The following NEURL4 variants were observed in gnomAD, a reference collection of about 807,000 sequenced individuals.
NEURL4 encodes neuralized E3 ubiquitin protein ligase 4, also known as neuralized-like protein 4.
Under a neutral mutation model 148.0 loss-of-function variants are expected in NEURL4, and 45 were observed. The observed-to-expected ratio is 0.30, with a 90% CI of 0.24 to 0.39. The LOEUF (loss-of-function observed/expected upper bound fraction) is 0.39. NEURL4 is among the 10% of genes least tolerant of loss of function. The pLI is 1.00. For synonymous variants in NEURL4, 854 were observed against 869.0 expected (o/e 0.98, Z 0.30); for missense variants, 1,776 against 2,144.0 (o/e 0.83, Z 3.39).
Position 7,317,944 on chromosome 17 carries a change from T to G in NEURL4, c.4061-12A>C. The G allele has an allele frequency of 6.2e-7, 1 of 1,614,118 alleles. No individual in the cohort carries two copies. Among genetic ancestry groups the G allele is most frequent in the Non-Finnish European group, 8.5e-7 (1 of 1,179,998 alleles). On this transcript the variant is annotated splice_polypyrimidine_tract_variant and intron_variant, in intron 25 of 28. Coordinates refer to ENST00000399464, the MANE Select transcript of NEURL4 (RefSeq NM_032442.3). ...CATGAAATAATCTTCTGCGGGACAGTGAGTAGCAGGCTTGGTGCTGTGGCT... is the reference window on the plus strand; with the variant it reads ...CATGAAATAATCTTCTGCGGGACAGGGAGTAGCAGGCTTGGTGCTGTGGCT...
rs1020229949 is a variant in NEURL4, at chr17:7,326,063, T to C, written c.1293+192A>G. 6.6e-6 allele frequency among the ~76,000 whole-genome samples: 1 copy of C among 152,180 alleles called. No individual in the cohort carries two copies. Among genetic ancestry groups the C allele is most frequent in the African/African-American group, 2.4e-5 (1 of 41,438 alleles). Reference sequence around the variant, plus strand: ...ACAAATGGGAAAACAGTAAGAGGAATTCAACCATCTGACTCCAAAATCTGA... The same window carrying C: ...ACAAATGGGAAAACAGTAAGAGGAACTCAACCATCTGACTCCAAAATCTGA... On this transcript the variant is annotated intron_variant, in intron 6 of 28. Transcript: ENST00000399464. This position sits in a 1 kb window ranked among gnomAD's most constrained non-coding sequence, Gnocchi z 6.0.
chr17:7,324,154 G>T lies in NEURL4; in HGVS notation c.2016C>A (p.Val672=). The T allele has an allele frequency of 1.2e-6, 2 of 1,613,716 alleles. No homozygotes were observed. Among genetic ancestry groups the T allele is most frequent in the South Asian group, 1.1e-5 (1 of 91,088 alleles). Residue 672 remains valine (V), a synonymous_variant, in exon 11 of 29, where the codon GTC becomes GTA. Transcript: ENST00000399464. This position sits in a 1 kb window ranked among gnomAD's most constrained non-coding sequence, Gnocchi z 5.9. ...CCTGGGCCGCCTGGCCATAGAGATC[G>T]ACGACAGCATAGACGCCCGGGGGCA... ...WNVPPGVYAV[V]DLYGQAAQAT...
chr17:7,324,660 C>T lies in NEURL4; in HGVS notation c.1813+139G>A. 9.2e-7 allele frequency: 1 copy of T among 1,091,588 alleles called. No individual in the cohort carries two copies. Among genetic ancestry groups the T allele is most frequent in the Non-Finnish European group, 1.3e-6 (1 of 742,856 alleles). The allele number at this position is 1,091,588 out of a possible 1,614,324, so 67.6% of individuals were successfully genotyped here. A position where few individuals can be genotyped will look rare whatever the true frequency, so the allele number is the denominator to read the frequency against. ...GCTTCCAAGACAGCCACAGCCCTGC[C>T]CACGGGACACTCTCTAGCCACTGAA... is the stretch of plus-strand genomic sequence containing the variant. On this transcript the variant is annotated intron_variant, in intron 9 of 28. Coordinates refer to ENST00000399464, the MANE Select transcript of NEURL4 (RefSeq NM_032442.3). The surrounding 1 kb of genome is among the most constrained non-coding windows in gnomAD (Gnocchi z 5.9).
At chr17:7,320,007 T>G (rs188884352) in intron 21 of NEURL4, among the ~76,000 whole-genome samples, 93 of 151,636 alleles carry the variant, frequency 6.1e-4, no homozygotes, top group African/African-American at 2.2e-3. Context: ...TTTTTTGTAT[T>G]TTTTAGTAGA....
In NEURL4 at chr17:7,329,190, G is replaced by T; in HGVS notation, c.123C>A (p.Gly41=). ...GCCCAGTGCGCGGGTGCAGTTCCCC[G>T]CCGCTGCCCAGACCCCCGTTGGACC... ...GPGSNGGLGS[G]GELHPRTGRL... The change falls in exon 1 of 29, where the codon GGC becomes GGA. Residue 41 remains glycine, a synonymous_variant. Transcript: ENST00000399464. The T allele has an allele frequency of 6.3e-7, 1 of 1,586,746 alleles. No homozygotes were observed.
rs763456916 is a variant in NEURL4 at position 7,318,659 on chromosome 17, C to A, written c.3700G>T (p.Gly1234Trp). Residue 1234 changes from glycine to tryptophan, a missense_variant, in exon 23 of 29, where the codon GGG becomes TGG. By Grantham distance (184) the Gly-to-Trp change is radical. Coordinates refer to ENST00000399464, the MANE Select transcript of NEURL4 (RefSeq NM_032442.3). This position sits in a 1 kb window ranked among gnomAD's most constrained non-coding sequence, Gnocchi z 4.3. ...HNGLKICEKF[G>W]PNLDTCPEGT... is the part of the protein sequence containing the mutation. ...TCAGGGCACGTGTCCAGATTGGGCC[C>A]AAACTTCTCGCAGATCTGGGAGGAG... The A allele has an allele frequency of 3.0e-5, 49 of 1,608,980 alleles. 1 individual carries two copies. The highest frequency in any genetic ancestry group is 3.3e-5 in the Non-Finnish European group (39 of 1,177,508).
rs200762683 is a variant in NEURL4 at position 7,321,854 on chromosome 17, C to G, written c.2871+11G>C. On this transcript the variant is annotated intron_variant, in intron 17 of 28. Coordinates refer to ENST00000399464, the MANE Select transcript of NEURL4 (RefSeq NM_032442.3). This position sits in a 1 kb window ranked among gnomAD's most constrained non-coding sequence, Gnocchi z 6.3. ...GCCTCGCAGCCCCTCTGTCACATCA[C>G]TACGGCCTACCTCAAAGACTTCCTC... The G allele has an allele frequency of 6.8e-6, 11 of 1,612,924 alleles. No individual in the cohort carries two copies. Among genetic ancestry groups the G allele is most frequent in the Non-Finnish European group, 8.5e-6 (10 of 1,179,408 alleles).
At chr17:7,319,726 A>AAAC (rs2073004955) in intron 21 of NEURL4, among the ~76,000 whole-genome samples, 3 of 115,748 alleles carry the variant, frequency 2.6e-5, no homozygotes, top group Non-Finnish European at 1.6e-5. Flanking sequence ...ACAAAAAAAC[A>AAAC]AAAAAAAAAC....
In NEURL4 at chr17:7,323,041, T is replaced by C. The variant is rs201660430; in HGVS notation, c.2500A>G (p.Ile834Val). 5.9e-5 allele frequency: 96 copies of C among 1,613,768 alleles called. No individual in the cohort carries two copies. Among genetic ancestry groups the C allele is most frequent in the Middle Eastern group, 1.6e-4 (1 of 6,062 alleles). ...DLDALGTGAR[I>V]GMMRTAKGDL... The stretch of plus-strand genomic sequence containing the variant: ...CCCTTGGCAGTTCGCATCATGCCAA[T>C]GCGTGCACCTGTGCCCAGCGCATCC... The change falls in exon 15 of 29, where the codon ATT becomes GTT. Residue 834 changes from isoleucine (I) to valine (V), a missense_variant. By Grantham distance (29) the Ile-to-Val change is conservative (BLOSUM62 3). Transcript: ENST00000399464.
rs1480597083 is a variant in NEURL4 at position 7,318,186 on chromosome 17, G to C, written c.3953-14C>G. 6.2e-7 allele frequency: 1 copy of C among 1,613,134 alleles called. No homozygotes were observed. Among genetic ancestry groups the C allele is most frequent in the African/African-American group, 1.3e-5 (1 of 75,012 alleles). On this transcript the variant is annotated splice_polypyrimidine_tract_variant and intron_variant, in intron 24 of 28. Coordinates refer to ENST00000399464, the MANE Select transcript of NEURL4 (RefSeq NM_032442.3). The surrounding 1 kb of genome is among the most constrained non-coding windows in gnomAD (Gnocchi z 4.3). Reference sequence around the variant, plus strand: ...TCTCTTTGATACCTGAGGGAGCAGAGGGGCACAGGTCACAGGAGCTGGGCT... The same window carrying C: ...TCTCTTTGATACCTGAGGGAGCAGACGGGCACAGGTCACAGGAGCTGGGCT...
chr17:7,327,110 C>T lies in NEURL4; in HGVS notation c.793+55G>A. The T allele has an allele frequency of 5.0e-6, 8 of 1,603,472 alleles. No individual in the cohort carries two copies. Among genetic ancestry groups the T allele is most frequent in the Middle Eastern group, 1.7e-4 (1 of 6,042 alleles). On this transcript the variant is annotated intron_variant, in intron 3 of 28. Coordinates refer to ENST00000399464, the MANE Select transcript of NEURL4 (RefSeq NM_032442.3). This position sits in a 1 kb window ranked among gnomAD's most constrained non-coding sequence, Gnocchi z 6.6. ...CCCTACCCCTTCTCCTGAGGGCCCT[C>T]CCTTGTCCACCTCACTTCCCACTCC... is the stretch of plus-strand genomic sequence containing the variant.
rs766637585 is a variant in NEURL4, at chr17:7,324,344, G to A, written c.1899+51C>T. ...GGGGCTGGTCCTGCATCAGCCCCGC[G>A]GTGTTTGTGATGCCCGCTGCGGCCG... On this transcript the variant is annotated intron_variant, in intron 10 of 28. Coordinates refer to ENST00000399464, the MANE Select transcript of NEURL4 (RefSeq NM_032442.3). The surrounding 1 kb of genome is among the most constrained non-coding windows in gnomAD (Gnocchi z 5.9). The A allele has an allele frequency of 2.4e-5, 39 of 1,613,688 alleles. No individual in the cohort carries two copies. The highest frequency in any genetic ancestry group is 4.4e-5 in the South Asian group (4 of 91,076).
Position 7,321,382 on chromosome 17 carries a change from A to G in NEURL4, c.3177T>C (p.Pro1059=), listed in dbSNP as rs1266553451. 10 of 1,613,984 alleles carry G rather than the reference A, an allele frequency of 6.2e-6. No homozygotes were observed. Among genetic ancestry groups the G allele is most frequent in the Non-Finnish European group, 8.5e-6 (10 of 1,180,010 alleles). The part of the protein sequence containing the change: ...HILVDGEDMG[P]AATGIAKNVW... ...CTACCTTGGCAATGCCAGTGGCTGC[A>G]GGCCCCATATCCTCTCCATCCACCA... Residue 1059 remains proline, a synonymous_variant, in exon 19 of 29, where the codon CCT becomes CCC. Coordinates refer to ENST00000399464, the MANE Select transcript of NEURL4 (RefSeq NM_032442.3). The surrounding 1 kb of genome is among the most constrained non-coding windows in gnomAD (Gnocchi z 6.3).
rs2073106376 is a variant in NEURL4, at chr17:7,326,647, G to T, written c.1092+64C>A. On this transcript the variant is annotated intron_variant, in intron 4 of 28. Coordinates refer to ENST00000399464, the MANE Select transcript of NEURL4 (RefSeq NM_032442.3). This position sits in a 1 kb window ranked among gnomAD's most constrained non-coding sequence, Gnocchi z 6.0. ...CCAGGGCCCACCCTCCTAGCACCAA[G>T]GGTCAATCCCCATCTTTAGCTCCCA... 2 of 1,603,754 alleles carry T rather than the reference G, an allele frequency of 1.2e-6. No individual in the cohort carries two copies. Among genetic ancestry groups the T allele is most frequent in the Admixed American group, 3.4e-5 (2 of 58,852 alleles).
chr17:7,325,597 C>T (rs772854356), intron 7 of NEURL4, 44 bp downstream of exon 7: 4 of 1,600,012 alleles, frequency 2.5e-6, no homozygotes, highest in Middle Eastern at 1.7e-4. Context: ...GTCCCAGCCC[C>T]ACCGAAAGCC....
Position 7,324,553 on chromosome 17 carries a change from C to G in NEURL4, c.1814-73G>C, listed in dbSNP as rs2073076359. On this transcript the variant is annotated intron_variant, in intron 9 of 28. Coordinates refer to ENST00000399464, the MANE Select transcript of NEURL4 (RefSeq NM_032442.3). The surrounding 1 kb of genome is among the most constrained non-coding windows in gnomAD (Gnocchi z 5.9). ...CCTCTCCTTGCCACAGCAGCGCCCA[C>G]AGGACTCCCGAGCCCACAGTCCACC... is the stretch of plus-strand genomic sequence containing the variant. The G allele has an allele frequency of 7.1e-7, 1 of 1,399,294 alleles. No homozygotes were observed. Among genetic ancestry groups the G allele is most frequent in the Non-Finnish European group, 1.0e-6 (1 of 987,974 alleles). 86.7% of individuals were successfully genotyped at this position (1,399,294 alleles called of 1,614,324 possible).
rs756501675 is a variant in NEURL4 at position 7,323,548 on chromosome 17, C to T, written c.2354G>A (p.Arg785Gln). Residue 785 changes from arginine (R) to glutamine (Q), a missense_variant, in exon 14 of 29, where the codon CGG becomes CAG. Transcript: ENST00000399464. ...GSIEAGVTAI[R>Q]PEDLEFPNTM... Reference sequence around the variant, plus strand: ...GTTGGGGAATTCCAGGTCTTCAGGCCGAATAGCAGTCACTCCTGGGAGGAG... The same window carrying T: ...GTTGGGGAATTCCAGGTCTTCAGGCTGAATAGCAGTCACTCCTGGGAGGAG... The T allele has an allele frequency of 1.1e-5, 18 of 1,614,064 alleles. No individual in the cohort carries two copies. The highest frequency in any genetic ancestry group is 4.0e-5 in the African/African-American group (3 of 74,902).
At chr17:7,319,709 C>CCAA (rs2073003681) in intron 21 of NEURL4, among the ~76,000 whole-genome samples, 1 of 112,354 alleles carries the variant, frequency 8.9e-6, no homozygotes, top group Admixed American at 1.0e-4. Context: ...TCAAAAAAAA[C>CCAA]AAAAAAACAA....
In NEURL4 at chr17:7,325,744, G is replaced by A. The variant is rs763241553; in HGVS notation, c.1294-31C>T. On this transcript the variant is annotated intron_variant, in intron 6 of 28. Transcript: ENST00000399464. ...CAAAGAAGACAAACAGTTTAGAGGA[G>A]TCCTGAGGCCTGCTCAGCACCCCAC... 92 of 1,581,360 alleles carry A rather than the reference G, an allele frequency of 5.8e-5. 1 individual carries two copies. The Middle Eastern group carries it at 1.3e-3, about 23-fold the overall frequency.
Sources: gnomAD v4.1 joint callset for allele counts (sites outside exome capture counted in the v4.1 genomes callset) on GRCh38, gnomAD v4.1.1 for gene constraint, Gnocchi (gnomAD v3.1) non-coding constraint, MANE v1.5 for transcripts, NCBI Gene and HGNC (gene_info 2026-07-23, HGNC 2026-07-21) for gene names.